Variants in MTPAP observed in about 807,000 individuals in gnomAD.
MTPAP encodes the protein poly(A) RNA polymerase, mitochondrial.
Under a neutral mutation model 48.7 loss-of-function variants are expected in MTPAP, and 23 were observed. The observed-to-expected ratio is 0.47, with a 90% CI of 0.34 to 0.67. The LOEUF is 0.67. MTPAP is among the 30% of genes least tolerant of loss of function. The pLI is 0.01. For synonymous variants in MTPAP, 257 were observed against 254.1 expected, an observed-to-expected ratio of 1.01 and a Z score of -0.11; for missense variants, 614 against 694.3, an observed-to-expected ratio of 0.88 and a Z score of 1.30.
intron 5 of MTPAP, 55 bp from the exon 6 acceptor site, chr10:30,322,672 G>A (rs1415769608): frequency 7.5e-7 from 1 of 1,331,612 alleles, no homozygotes; most frequent in Non-Finnish European, 1.1e-6. Flanking sequence ...TAAACCAAGG[G>A]TAAAATTAAA....
rs1840657363 is a variant in MTPAP at position 30,316,001 on chromosome 10, T to G, written c.1348A>C (p.Asn450His). 2 of 1,608,646 alleles carry G rather than the reference T, an allele frequency of 1.2e-6. No homozygotes were observed. The highest frequency in any genetic ancestry group is 2.7e-5 in the African/African-American group (2 of 74,842). Residue 450 changes from asparagine (N) to histidine (H), a missense_variant, in exon 8 of 9, where the codon AAT (asparagine) becomes CAT (histidine). Around this residue, in one of 5 missense-constraint regions of MTPAP, gnomAD observed 261 missense variants for 355.4 expected, o/e 0.73. Coordinates refer to ENST00000263063, the MANE Select transcript of MTPAP (RefSeq NM_018109.4). ...LLKEFFEYFGNFAFDKNSINI... is the reference protein window; with the variant it reads ...LLKEFFEYFGHFAFDKNSINI... The stretch of plus-strand genomic sequence containing the variant: ...ATGGAATTTTTATCGAAAGCAAAAT[T>G]GCCAAAATACTCAAAAAATTCCTTC...
At chr10:30,340,480 C>A in intron 2 of MTPAP, 30 bp from the exon 3 acceptor site, 1 of 1,482,224 alleles carries the variant, frequency 6.7e-7, no homozygotes, top group Non-Finnish European at 9.4e-7. Flanking sequence ...AAAAACAGAA[C>A]ACATTTCACG....
At position 30,313,463 on chromosome 10, in the gene MTPAP, C is replaced by T. The variant is rs34660258; in HGVS notation, c.*146G>A. On this transcript the variant is annotated 3_prime_UTR_variant, in exon 9 of 9. Transcript: ENST00000263063. ...ACTGAAAACATCCCAGAACTTCAGA[C>T]CAGGTTAAGGGGGCCAATGAGAAGA... is the stretch of plus-strand genomic sequence containing the variant. The T allele has an allele frequency of 0.013, 14,854 of 1,126,550 alleles. 152 individuals are homozygous for T. The highest frequency in any genetic ancestry group is 0.02 in the Middle Eastern group (97 of 4,906). The allele number at this position is 1,126,550 out of a possible 1,614,324, so 69.8% of individuals were successfully genotyped here. A position where few individuals can be genotyped will look rare whatever the true frequency, so the allele number is the denominator to read the frequency against.
At chr10:30,335,394 G>A (rs2132862392) in intron 4 of MTPAP, among the ~76,000 whole-genome samples, 1 of 152,234 alleles carries the variant, frequency 6.6e-6, no homozygotes, top group African/African-American at 2.4e-5. Context: ...GCTGAGACAG[G>A]AGAATTGTTT....
intron 5 of MTPAP, among the ~76,000 whole-genome samples, chr10:30,323,451 CAAAAAAAAA>C (rs755342499): frequency 1.2e-5 from 1 of 84,726 alleles, no homozygotes; most frequent in African/African-American, 5.3e-5. Flanking sequence ...GACCCTGCCT[CAAAAAAAAA>C]AAAAAAAAAA....
At chr10:30,346,702 G>A (rs1184998324) in intron 1 of MTPAP, among the ~76,000 whole-genome samples, 1 of 152,156 alleles carries the variant, frequency 6.6e-6, no homozygotes, top group Non-Finnish European at 1.5e-5. Context: ...ACCTGTTCAG[G>A]TAACAGTTCT....
intron 4 of MTPAP, among the ~76,000 whole-genome samples, chr10:30,327,845 C>CAA (rs71525585): frequency 1.2e-3 from 104 of 84,108 alleles, no homozygotes; most frequent in Middle Eastern, 8.5e-3. Context: ...GACTCCATCT[C>CAA]AAAAAAAAAA....
chr10:30,332,912 G>A (rs543058316), intron 4 of MTPAP, among the ~76,000 whole-genome samples: 13 of 152,126 alleles, frequency 8.5e-5, no homozygotes, highest in Non-Finnish European at 1.3e-4. Flanking sequence ...ACGAGGTCAG[G>A]AGATCGAGAC....
At chr10:30,318,329 C>T (rs1243031110) in intron 6 of MTPAP, among the ~76,000 whole-genome samples, 1 of 152,112 alleles carries the variant, frequency 6.6e-6, no homozygotes, top group Non-Finnish European at 1.5e-5. Context: ...ATTTTACGTG[C>T]TCTACTATAC....
intron 4 of MTPAP, among the ~76,000 whole-genome samples, chr10:30,327,536 AAATAAATT>A (rs1378058582): frequency 7.8e-6 from 1 of 128,004 alleles, no homozygotes; most frequent in African/African-American, 3.2e-5. Flanking sequence ...ATAAATAAAT[AAATAAATT>A]ACTAAAACTC....
rs765614188 is a variant in MTPAP at position 30,340,326 on chromosome 10, T to C, written c.455A>G (p.Lys152Arg). 6.2e-7 allele frequency: 1 copy of C among 1,614,192 alleles called. No individual in the cohort carries two copies. The highest frequency in any genetic ancestry group is 2.2e-5 in the East Asian group (1 of 44,882). ...IPFRSRFFNL[K>R]LKNQTSERSR... ...CCGTTCAGAAGTCTGGTTTTTCAACTTCAGATTGAAGAAACGTGATCTGAA... is the reference window on the plus strand; with the variant it reads ...CCGTTCAGAAGTCTGGTTTTTCAACCTCAGATTGAAGAAACGTGATCTGAA... Residue 152 changes from lysine (K) to arginine (R), a missense_variant, in exon 3 of 9, where the codon AAG (lysine) becomes AGG (arginine). Coordinates refer to ENST00000263063, the MANE Select transcript of MTPAP (RefSeq NM_018109.4).
intron 2 of MTPAP, 53 bp downstream of exon 2, chr10:30,341,415 C>G: frequency 6.3e-7 from 1 of 1,575,096 alleles, no homozygotes; most frequent in Non-Finnish European, 8.6e-7. Flanking sequence ...TAATGGAGAC[C>G]TCCACCCTTG....
chr10:30,326,278 C>G (rs577333056), intron 5 of MTPAP, 146 bp downstream of exon 5: 8 of 729,144 alleles, frequency 1.1e-5, no homozygotes, highest in Non-Finnish European at 1.6e-5. Context: ...GAAAAGATTA[C>G]TTACTTTTCA....
At chr10:30,317,851 C>A (rs1840679268) in intron 6 of MTPAP, among the ~76,000 whole-genome samples, 1 of 152,026 alleles carries the variant, frequency 6.6e-6, no homozygotes, top group African/African-American at 2.4e-5. Flanking sequence ...TGGATGACTG[C>A]TGATATTTTA....
At position 30,341,392 on chromosome 10, in the gene MTPAP, A is replaced by G. The variant is rs915672586; in HGVS notation, c.330+76T>C. On this transcript the variant is annotated intron_variant, in intron 2 of 8. Transcript: ENST00000263063. ...TACCTACCATATTGCAAAAAGCAAC[A>G]GCAAAAAACAACTAATGGAGACCTC... 14 of 1,531,422 alleles carry G rather than the reference A, an allele frequency of 9.1e-6. No individual in the cohort carries two copies. In the African/African-American group the frequency reaches 2.0e-4, roughly 21 times the overall value. 94.9% of individuals were successfully genotyped at this position (1,531,422 alleles called of 1,614,324 possible).
intron 1 of MTPAP, among the ~76,000 whole-genome samples, chr10:30,343,753 A>G (rs948283202): frequency 1.3e-5 from 2 of 152,114 alleles, no homozygotes; most frequent in African/African-American, 4.8e-5. Flanking sequence ...TGTTTAGTAG[A>G]GATGGGGTTT....
rs1276171837 is a variant in MTPAP at position 30,322,266 on chromosome 10, T to C, written c.1219+125A>G. 3 of 860,686 alleles carry C rather than the reference T, an allele frequency of 3.5e-6. No individual in the cohort carries two copies. The East Asian group carries it at 7.9e-5, about 23-fold the overall frequency. 53.3% of individuals were successfully genotyped at this position (860,686 alleles called of 1,614,324 possible). ...CTGCTCTCGTGACTCCGGTAGACTT[T>C]AAAAAAAAGTCAAGACAAATTTTAT... On this transcript the variant is annotated intron_variant, in intron 6 of 8. Transcript: ENST00000263063.
rs184307750 is a variant in MTPAP at position 30,331,809 on chromosome 10, C to T, written c.780+4994G>A. On this transcript the variant is annotated intron_variant, in intron 4 of 8. Transcript: ENST00000263063. Reference sequence around the variant, plus strand: ...CTTGAACTCCTGACCTCAGGTGATCCGCCCACCTTGGCCTCCCAAAGTGCT... The same window carrying T: ...CTTGAACTCCTGACCTCAGGTGATCTGCCCACCTTGGCCTCCCAAAGTGCT... 3.8e-3 allele frequency among the ~76,000 whole-genome samples: 584 copies of T among 152,312 alleles called. 3 individuals carry two copies. The highest frequency in any genetic ancestry group is 0.014 in the African/African-American group (564 of 41,560).
Position 30,322,517 on chromosome 10 carries a change from A to T in MTPAP, c.1093T>A (p.Ser365Thr). 1 of 1,613,956 alleles carries T rather than the reference A, an allele frequency of 6.2e-7. No individual in the cohort carries two copies. Among genetic ancestry groups the T allele is most frequent in the Non-Finnish European group, 8.5e-7 (1 of 1,179,822 alleles). The change falls in exon 6 of 9, where the codon TCA (serine) becomes ACA (threonine). Residue 365 changes from serine to threonine, a missense_variant. This residue lies in a region of MTPAP where 261 missense variants were observed against 355.4 expected (regional missense o/e 0.73). Coordinates refer to ENST00000263063, the MANE Select transcript of MTPAP (RefSeq NM_018109.4). The stretch of plus-strand genomic sequence containing the variant: ...GCACCAGGAATACTACTTGTTAGTG[A>T]ATGTGCTCGAGCCCAGCACCGTACA... ...FSVRCWARAH[S>T]LTSSIPGAWI...
Sources: gnomAD v4.1 joint callset for allele counts (sites outside exome capture counted in the v4.1 genomes callset) on GRCh38, gnomAD v4.1.1 for gene constraint, gnomAD v4.1.1 regional missense constraint, MANE v1.5 for transcripts, NCBI Gene and HGNC (gene_info 2026-07-23, HGNC 2026-07-21) for gene names.